DCLK1: variants seen among roughly 807,000 people sequenced by gnomAD.
The protein encoded by DCLK1 is doublecortin like kinase 1.
In DCLK1, 16 loss-of-function variants were observed where a neutral mutation model predicts 86.2. The observed-to-expected ratio is 0.19, with a 90% CI of 0.13 to 0.28. The LOEUF is 0.28. Ranked by LOEUF, DCLK1 falls within the 10% of genes least tolerant of loss-of-function variation. The pLI, the probability that DCLK1 is intolerant of heterozygous loss-of-function variation, is 1.00. For missense variants in DCLK1, 590 were observed against 940.2 expected, an observed-to-expected ratio of 0.63 and a Z score of 4.87; for synonymous variants, 369 against 370.5, an observed-to-expected ratio of 1.00 and a Z score of 0.05.
At chr13:35,808,918 T>C (rs2087087789) in intron 13 of DCLK1, 100 bp downstream of exon 13, 8 of 983,964 alleles carry the variant, frequency 8.1e-6, no homozygotes, top group African/African-American at 1.6e-5. Context: ...TCTTGTGCTC[T>C]TTTCCTGCTG....
At chr13:35,841,946 A>C (rs1869826448) in intron 6 of DCLK1, among the ~76,000 whole-genome samples, 1 of 152,060 alleles carries the variant, frequency 6.6e-6, no homozygotes, top group Admixed American at 6.6e-5. Context: ...CCCCTACAGA[A>C]ATCCCAGTGG....
intron 16 of DCLK1, among the ~76,000 whole-genome samples, chr13:35,790,275 C>T (rs1043803807): frequency 2.0e-5 from 3 of 152,042 alleles, no homozygotes; most frequent in Non-Finnish European, 4.4e-5. Flanking sequence ...GAGAGGCTGC[C>T]GGTTATGACA....
chr13:35,819,833 G>C (rs1282315649), intron 11 of DCLK1, among the ~76,000 whole-genome samples: 2 of 152,018 alleles, frequency 1.3e-5, no homozygotes, highest in African/African-American at 4.8e-5. Flanking sequence ...TCGTTAGGCA[G>C]TTTTATTTTA....
At chr13:35,963,642 A>G (rs1878575789) in intron 3 of DCLK1, among the ~76,000 whole-genome samples, 1 of 152,196 alleles carries the variant, frequency 6.6e-6, no homozygotes, top group Admixed American at 6.5e-5. Context: ...CTCATCTTGA[A>G]TGGTAATCTT....
intron 3 of DCLK1, among the ~76,000 whole-genome samples, chr13:36,005,168 TC>T (rs1880896003): frequency 6.6e-6 from 1 of 152,140 alleles, no homozygotes; most frequent in Non-Finnish European, 1.5e-5. Context: ...AAGGTAACTT[TC>T]ACATGTGTCC....
intron 11 of DCLK1, among the ~76,000 whole-genome samples, chr13:35,814,557 T>C (rs1001664923): frequency 6.6e-6 from 1 of 152,170 alleles, no homozygotes; most frequent in African/African-American, 2.4e-5. Flanking sequence ...GTAAGAACTT[T>C]TTGCCATAAC....
At chr13:35,876,421 T>A (rs117129124) in intron 4 of DCLK1, among the ~76,000 whole-genome samples, 14 of 152,178 alleles carry the variant, frequency 9.2e-5, no homozygotes, top group African/African-American at 3.4e-4. Flanking sequence ...AGCTGAAGAA[T>A]ATTGCAGTGC....
intron 4 of DCLK1, among the ~76,000 whole-genome samples, chr13:35,892,514 A>C (rs993356409): frequency 6.6e-6 from 1 of 152,222 alleles, no homozygotes; most frequent in Non-Finnish European, 1.5e-5. Flanking sequence ...TTACTAATAC[A>C]TTTGTGAGGT....
At chr13:36,014,741 C>G (rs185610898) in intron 3 of DCLK1, among the ~76,000 whole-genome samples, 2 of 152,192 alleles carry the variant, frequency 1.3e-5, no homozygotes, top group Non-Finnish European at 2.9e-5. Flanking sequence ...GAAAAATAAT[C>G]AAATTATTCA....
At chr13:36,087,491 T>A (rs1346278968) in intron 3 of DCLK1, among the ~76,000 whole-genome samples, 1 of 152,214 alleles carries the variant, frequency 6.6e-6, no homozygotes, top group African/African-American at 2.4e-5. Flanking sequence ...CGTTTGGTAA[T>A]CAATTTCTGA....
At chr13:36,062,590 C>T (rs1213449765) in intron 3 of DCLK1, among the ~76,000 whole-genome samples, 1 of 152,160 alleles carries the variant, frequency 6.6e-6, no homozygotes. Context: ...TGACATCTTG[C>T]AGCAGAGCTT....
At chr13:35,848,011 C>T in intron 6 of DCLK1, 1 of 985,258 alleles carries the variant, frequency 1.0e-6, no homozygotes. Context: ...TTCTAAAATG[C>T]TGAAAGCAGG....
At chr13:35,923,386 T>C (rs2153127359) in intron 4 of DCLK1, among the ~76,000 whole-genome samples, 1 of 152,080 alleles carries the variant, frequency 6.6e-6, no homozygotes, top group Non-Finnish European at 1.5e-5. Context: ...TTTTTTTTTT[T>C]TACCACCTTT....
At chr13:35,777,526 G>A (rs2086443885) in intron 16 of DCLK1, among the ~76,000 whole-genome samples, 1 of 152,184 alleles carries the variant, frequency 6.6e-6, no homozygotes, top group African/African-American at 2.4e-5. Flanking sequence ...GCATGAGCTA[G>A]GGAAAGACAT....
At chr13:35,878,847 A>C (rs1872727036) in intron 4 of DCLK1, among the ~76,000 whole-genome samples, 1 of 151,894 alleles carries the variant, frequency 6.6e-6, no homozygotes, top group African/African-American at 2.4e-5. Context: ...GTACAGTGGC[A>C]CAATCTTGGC....
intron 3 of DCLK1, among the ~76,000 whole-genome samples, chr13:36,036,164 G>A (rs977661709): frequency 3.3e-5 from 5 of 152,098 alleles, no homozygotes; most frequent in African/African-American, 7.2e-5. Context: ...CCCTTTCCAT[G>A]GAAACAACCT....
chr13:35,909,199 C>T (rs1417540466), intron 4 of DCLK1, among the ~76,000 whole-genome samples: 1 of 152,272 alleles, frequency 6.6e-6, no homozygotes, highest in Non-Finnish European at 1.5e-5. Context: ...GTAGGTGGGG[C>T]CACATGGCTG....
At position 35,957,689 on chromosome 13, in the gene DCLK1, C is replaced by T. The variant is rs1049974922; in HGVS notation, c.724-10232G>A. ...ATATTCCCAAAGCCATGGAAGTATG[C>T]TTTTGCCAGGAACATTTGTAAAGGT... On this transcript the variant is annotated intron_variant, in intron 3 of 16. Coordinates refer to ENST00000360631, the MANE Select transcript of DCLK1 (RefSeq NM_001330071.2). Among the ~76,000 whole-genome samples the T allele has an allele frequency of 5.5e-4, 83 of 152,128 alleles. 1 individual carries two copies. The highest frequency in any genetic ancestry group is 2.0e-3 in the African/African-American group (82 of 41,432).
intron 3 of DCLK1, among the ~76,000 whole-genome samples, chr13:35,966,968 G>A (rs1294805266): frequency 1.4e-4 from 21 of 147,676 alleles, no homozygotes; most frequent in African/African-American, 2.0e-4. Context: ...GCCGCCCATC[G>A]TCTGGGATGT....
Sources: allele counts gnomAD v4.1 joint callset (sites outside exome capture counted in the v4.1 genomes callset), GRCh38; gene constraint gnomAD v4.1.1; transcripts MANE v1.5; gene names NCBI Gene and HGNC (gene_info 2026-07-23, HGNC 2026-07-21).